Variants in TSPAN12 observed in about 807,000 individuals in gnomAD.
TSPAN12 encodes the protein tetraspanin-12.
A neutral mutation model predicts 39.2 loss-of-function variants in TSPAN12; 19 were observed. The observed-to-expected ratio is 0.49, with a 90% CI of 0.34 to 0.71. TSPAN12 has a LOEUF of 0.71. TSPAN12 is among the 30% of genes least tolerant of loss of function. The pLI, the probability that TSPAN12 is intolerant of heterozygous loss-of-function variation, is 0.01. For synonymous variants in TSPAN12, 119 were observed against 124.8 expected, an observed-to-expected ratio of 0.95 and a Z score of 0.31; for missense variants, 314 against 359.9, an observed-to-expected ratio of 0.87 and a Z score of 1.03.
chr7:120,830,867 G>C (rs1276551135), intron 4 of TSPAN12, among the ~76,000 whole-genome samples: 3 of 152,004 alleles, frequency 2.0e-5, no homozygotes, highest in African/African-American at 4.8e-5. Flanking sequence ...CATTGATTAG[G>C]AGAAAATATT....
intron 4 of TSPAN12, among the ~76,000 whole-genome samples, chr7:120,827,421 GA>G (rs1402406220): frequency 6.6e-6 from 1 of 151,808 alleles, no homozygotes; most frequent in African/African-American, 2.4e-5. Context: ...TATTCCCACA[GA>G]AAAAAAGCAT....
At chr7:120,852,275 TA>T (rs1446575592) in intron 2 of TSPAN12, among the ~76,000 whole-genome samples, 1 of 152,060 alleles carries the variant, frequency 6.6e-6, no homozygotes, top group East Asian at 1.9e-4. Flanking sequence ...TAAGACTACT[TA>T]AAATGCCAGT....
intron 7 of TSPAN12, among the ~76,000 whole-genome samples, chr7:120,799,530 A>ATAAT (rs1322494878): frequency 1.4e-4 from 15 of 110,414 alleles, no homozygotes; most frequent in African/African-American, 4.0e-4. Flanking sequence ...TTAATTATAT[A>ATAAT]TAATTATATA....
intron 2 of TSPAN12, among the ~76,000 whole-genome samples, chr7:120,842,487 G>A (rs1171707136): frequency 2.0e-5 from 3 of 150,298 alleles, no homozygotes; most frequent in East Asian, 1.9e-4. Flanking sequence ...GCACAGAAAA[G>A]GGAAATACCC....
At chr7:120,793,270 A>G (rs143554298) in intron 7 of TSPAN12, among the ~76,000 whole-genome samples, 10 of 152,368 alleles carry the variant, frequency 6.6e-5, no homozygotes, top group Non-Finnish European at 1.5e-4. Context: ...ATAAAATGCA[A>G]TGACATATTA....
intron 4 of TSPAN12, among the ~76,000 whole-genome samples, chr7:120,835,456 G>A (rs373691392): frequency 3.9e-5 from 6 of 152,296 alleles, no homozygotes; most frequent in Admixed American, 2.0e-4. Context: ...CTATTATAGA[G>A]TAAAATGGCA....
chr7:120,801,322 G>C (rs1793766418), intron 7 of TSPAN12, among the ~76,000 whole-genome samples: 1 of 152,038 alleles, frequency 6.6e-6, no homozygotes, highest in Non-Finnish European at 1.5e-5. Flanking sequence ...TCCTCTATTT[G>C]TCAATGTTTT....
chr7:120,794,393 G>A (rs1265243613), intron 7 of TSPAN12, among the ~76,000 whole-genome samples: 1 of 152,058 alleles, frequency 6.6e-6, no homozygotes, highest in Non-Finnish European at 1.5e-5. Flanking sequence ...TAGATCATGG[G>A]GGTAGTTTCC....
At chr7:120,806,525 T>C in intron 7 of TSPAN12, 24 bp downstream of exon 7, 1 of 1,611,326 alleles carries the variant, frequency 6.2e-7, no homozygotes, top group Non-Finnish European at 8.5e-7. Context: ...TTATCCATAA[T>C]AAATTAACCA....
intron 4 of TSPAN12, among the ~76,000 whole-genome samples, chr7:120,827,150 T>C (rs1258089537): frequency 6.6e-6 from 1 of 151,180 alleles, no homozygotes; most frequent in Admixed American, 6.6e-5. Flanking sequence ...TTTTAGCTTA[T>C]CTATAACTCT....
At chr7:120,798,838 C>G (rs538501476) in intron 7 of TSPAN12, among the ~76,000 whole-genome samples, 1 of 152,142 alleles carries the variant, frequency 6.6e-6, no homozygotes, top group South Asian at 2.1e-4. Context: ...CTGTGCCACC[C>G]TAATATTTTC....
At chr7:120,794,581 T>C (rs1373411722) in intron 7 of TSPAN12, among the ~76,000 whole-genome samples, 2 of 152,232 alleles carry the variant, frequency 1.3e-5, no homozygotes, top group South Asian at 2.1e-4. Context: ...CAGGGGCAGA[T>C]ACCATTATCA....
At chr7:120,829,573 A>T (rs536615828) in intron 4 of TSPAN12, among the ~76,000 whole-genome samples, 1 of 152,298 alleles carries the variant, frequency 6.6e-6, no homozygotes, top group East Asian at 1.9e-4. Flanking sequence ...TGCCAAAGGA[A>T]GTTAGTAGAG....
intron 7 of TSPAN12, among the ~76,000 whole-genome samples, chr7:120,801,031 C>A (rs1793759727): frequency 6.6e-6 from 1 of 152,130 alleles, no homozygotes; most frequent in Admixed American, 6.6e-5. Context: ...AGTGATCCAC[C>A]CGCCCCAGCC....
At chr7:120,789,645 G>C (rs1793481548) in intron 7 of TSPAN12, among the ~76,000 whole-genome samples, 1 of 152,180 alleles carries the variant, frequency 6.6e-6, no homozygotes, top group East Asian at 1.9e-4. Flanking sequence ...ATATGACACA[G>C]TGATACAGGA....
rs1239136928 is a variant in TSPAN12 at position 120,835,868 on chromosome 7, G to A, written c.285+2909C>T. ...AAATTTCTGGCTAAGAAGACAGCAA[G>A]AATAAATGTAGAGAAGAACGGAGCA... On this transcript the variant is annotated intron_variant, in intron 4 of 7. Coordinates refer to ENST00000222747, the MANE Select transcript of TSPAN12 (RefSeq NM_012338.4). Among the ~76,000 whole-genome samples the A allele has an allele frequency of 2.0e-5, 3 of 152,192 alleles. 1 individual carries two copies. The highest frequency in any genetic ancestry group is 4.4e-5 in the Non-Finnish European group (3 of 68,024).
chr7:120,813,980 CT>C, intron 5 of TSPAN12: 1 of 220,566 alleles, frequency 4.5e-6, no homozygotes, highest in Admixed American at 5.6e-5. Context: ...AACTTTTCAC[CT>C]TTTCAGGAAC....
chr7:120,851,005 T>G (rs1410385239), intron 2 of TSPAN12, among the ~76,000 whole-genome samples: 1 of 152,178 alleles, frequency 6.6e-6, no homozygotes, highest in Non-Finnish European at 1.5e-5. Context: ...AAGGAATTTT[T>G]TATGGTGAAA....
intron 2 of TSPAN12, 84 bp downstream of exon 2, chr7:120,856,614 C>T: frequency 7.4e-7 from 1 of 1,347,236 alleles, no homozygotes; most frequent in African/African-American, 1.4e-5. Context: ...TAATGCTTAG[C>T]CATGCCCTTT....
Sources: allele counts gnomAD v4.1 joint callset (sites outside exome capture counted in the v4.1 genomes callset), GRCh38; gene constraint gnomAD v4.1.1; transcripts MANE v1.5; gene names NCBI Gene and HGNC (gene_info 2026-07-23, HGNC 2026-07-21).